Variants in SGCD observed in about 807,000 individuals in gnomAD.
SGCD encodes the protein sarcoglycan delta.
SGCD carries 18 observed loss-of-function variants against 36.6 expected under a neutral mutation model. The observed-to-expected ratio is 0.49, with a 90% CI of 0.34 to 0.73. The LOEUF (loss-of-function observed/expected upper bound fraction) is 0.73, where lower values mean the gene tolerates loss of function less well. Among genes scored for constraint, SGCD ranks in the 30% least tolerant of loss-of-function variants. The pLI, the probability that SGCD is intolerant of heterozygous loss-of-function variation, is 0.01. For synonymous variants in SGCD, 133 were observed against 130.6 expected (o/e 1.02, Z -0.12); for missense variants, 387 against 346.7 (o/e 1.12, Z -0.92).
At chr5:155,833,970 C>T in the SGCD span, among the ~76,000 whole-genome samples, 1 of 152,214 alleles carries the variant, frequency 6.6e-6, no homozygotes, top group Admixed American at 6.5e-5. Context: ...GGAAGGACAT[C>T]AGTCTTCCTT....
chr5:156,181,794 C>A (rs1375350583), intron 3 of SGCD, among the ~76,000 whole-genome samples: 1 of 152,110 alleles, frequency 6.6e-6, no homozygotes, highest in Non-Finnish European at 1.5e-5. Flanking sequence ...GGAAAGAAGC[C>A]AGACTCAAGT....
intron 1 of SGCD, among the ~76,000 whole-genome samples, chr5:156,101,369 A>G (rs1333020859): frequency 6.6e-6 from 1 of 152,166 alleles, no homozygotes; most frequent in African/African-American, 2.4e-5. Context: ...GAAATGTCAT[A>G]TTTCTTGTAG....
At chr5:156,043,924 AG>A (rs2127578987) in intron 1 of SGCD, among the ~76,000 whole-genome samples, 2 of 146,598 alleles carry the variant, frequency 1.4e-5, no homozygotes, top group East Asian at 3.9e-4. Context: ...ATGTCTTCCA[AG>A]GGTAAAACAC....
At chr5:155,810,795 C>CTTTTTTTTTTTTTTTTTTTTT in the SGCD span, among the ~76,000 whole-genome samples, 1 of 35,304 alleles carries the variant, frequency 2.8e-5, no homozygotes, top group African/African-American at 1.1e-4. Flanking sequence ...TTAGTGTCTG[C>CTTTTTTTTTTTTTTTTTTTTT]TTTTTTTTTT....
intron 1 of SGCD, among the ~76,000 whole-genome samples, chr5:155,993,213 T>TC (rs1356059420): frequency 2.0e-5 from 3 of 151,982 alleles, no homozygotes; most frequent in Admixed American, 6.6e-5. Context: ...ATGGCCCCCG[T>TC]CCCCCTGCAT....
At chr5:156,250,147 A>T (rs913149656) in intron 3 of SGCD, among the ~76,000 whole-genome samples, 1 of 152,182 alleles carries the variant, frequency 6.6e-6, no homozygotes, top group Non-Finnish European at 1.5e-5. Context: ...GGAAATCAAC[A>T]TTGTCAATTT....
chr5:155,991,884 A>G (rs554395057), intron 1 of SGCD, among the ~76,000 whole-genome samples: 25 of 152,318 alleles, frequency 1.6e-4, no homozygotes, highest in Admixed American at 6.5e-5. Flanking sequence ...ATTGTATTTC[A>G]AACTTGCCAA....
chr5:155,856,710 CA>C, the SGCD span, among the ~76,000 whole-genome samples: 7 of 152,044 alleles, frequency 4.6e-5, no homozygotes, highest in Admixed American at 3.9e-4. Flanking sequence ...AACACTTCAC[CA>C]AAAATATATA....
intron 7 of SGCD, among the ~76,000 whole-genome samples, chr5:156,734,900 C>CA (rs1422286409): frequency 1.3e-5 from 2 of 152,164 alleles, no homozygotes; most frequent in African/African-American, 4.8e-5. Context: ...GTAGTATGGT[C>CA]ATTTGATAGG....
At chr5:155,783,135 G>A in the SGCD span, among the ~76,000 whole-genome samples, 5 of 152,256 alleles carry the variant, frequency 3.3e-5, no homozygotes, top group Non-Finnish European at 1.5e-5. Flanking sequence ...GAAGCAACTT[G>A]AAGATTAAAT....
intron 7 of SGCD, among the ~76,000 whole-genome samples, chr5:156,746,134 GA>G (rs200815530): frequency 1.6e-4 from 24 of 147,826 alleles, no homozygotes; most frequent in Middle Eastern, 3.5e-3. Context: ...GAGTAGGCGA[GA>G]AAAAAAAAAC....
chr5:156,209,887 C>A (rs1170869314), intron 3 of SGCD, among the ~76,000 whole-genome samples: 1 of 152,112 alleles, frequency 6.6e-6, no homozygotes, highest in African/African-American at 2.4e-5. Context: ...GACCTGCCCC[C>A]ACAAATTTGG....
At chr5:156,327,117 C>T (rs1029273325), upstream of SGCD, 1 of 152,392 alleles carries the variant, frequency 6.6e-6, no homozygotes, top group Admixed American at 6.5e-5. Flanking sequence ...CTTCTGAGCG[C>T]AGGCTGGGCC....
At chr5:155,858,113 G>C in the SGCD span, among the ~76,000 whole-genome samples, 1 of 152,142 alleles carries the variant, frequency 6.6e-6, no homozygotes. Flanking sequence ...AAGTATATAT[G>C]TATATGTAAG....
chr5:156,336,619 CTT>C (rs1384770068), intron 2 of SGCD, among the ~76,000 whole-genome samples: 32 of 152,060 alleles, frequency 2.1e-4, no homozygotes, highest in African/African-American at 6.5e-4. Flanking sequence ...AAAATATGCT[CTT>C]GTTTGTGTAA....
chr5:156,065,466 G>C (rs1367095700), intron 1 of SGCD, among the ~76,000 whole-genome samples: 1 of 112,936 alleles, frequency 8.9e-6, no homozygotes, highest in Non-Finnish European at 1.8e-5. Context: ...TTGGTGCAGA[G>C]CTGAGTTCAA....
At chr5:156,407,303 C>T (rs1036854465) in intron 3 of SGCD, among the ~76,000 whole-genome samples, 1 of 152,178 alleles carries the variant, frequency 6.6e-6, no homozygotes, top group African/African-American at 2.4e-5. Flanking sequence ...TAATCGCAAC[C>T]CATGCTTATG....
At chr5:155,953,913 C>T (rs1757593055) in intron 1 of SGCD, among the ~76,000 whole-genome samples, 1 of 152,146 alleles carries the variant, frequency 6.6e-6, no homozygotes, top group Non-Finnish European at 1.5e-5. Flanking sequence ...TACCTAATAC[C>T]TACTGAGAAT....
intron 3 of SGCD, among the ~76,000 whole-genome samples, chr5:156,480,577 G>A (rs1755381969): frequency 6.6e-6 from 1 of 152,180 alleles, no homozygotes; most frequent in African/African-American, 2.4e-5. Flanking sequence ...GACACTGGTG[G>A]TAGAGTCATA....
Sources: gnomAD v4.1 joint callset for allele counts (sites outside exome capture counted in the v4.1 genomes callset) on GRCh38, gnomAD v4.1.1 for gene constraint, MANE v1.5 for transcripts, NCBI Gene and HGNC (gene_info 2026-07-23, HGNC 2026-07-21) for gene names.